Variants in SIPA1L2 observed in about 807,000 individuals in gnomAD.
The protein encoded by SIPA1L2 is signal-induced proliferation-associated 1-like protein 2.
A neutral mutation model predicts 163.9 loss-of-function variants in SIPA1L2; 56 were observed. The observed-to-expected ratio is 0.34, with a 90% CI of 0.28 to 0.43. SIPA1L2 has a LOEUF of 0.43. Among genes scored for constraint, SIPA1L2 ranks in the 20% least tolerant of loss-of-function variants. SIPA1L2 has a pLI of 1.00. For missense variants in SIPA1L2, 1,974 were observed against 2,193.5 expected (o/e 0.90, Z 2.00); for synonymous variants, 877 against 865.7 (o/e 1.01, Z -0.23).
intron 22 of SIPA1L2, 74 bp downstream of exon 22, chr1:232,402,318 A>G (rs934296979): frequency 5.2e-6 from 7 of 1,353,826 alleles, no homozygotes; most frequent in African/African-American, 2.9e-5. Flanking sequence ...AGTCTTTTCA[A>G]TTTATCTGTA....
intron 2 of SIPA1L2, among the ~76,000 whole-genome samples, chr1:232,569,265 A>G (rs1014037510): frequency 9.9e-5 from 15 of 152,248 alleles, no homozygotes; most frequent in Admixed American, 8.5e-4. Flanking sequence ...ATTGGAATTT[A>G]GGAAGAGATA....
chr1:232,598,490 A>G (rs1661403377), intron 1 of SIPA1L2, among the ~76,000 whole-genome samples: 1 of 152,242 alleles, frequency 6.6e-6, no homozygotes, highest in Admixed American at 6.5e-5. Flanking sequence ...AGCATCAGAA[A>G]TATACAAATA....
intron 6 of SIPA1L2, 131 bp downstream of exon 6, chr1:232,483,661 A>T (rs750881522): frequency 2.1e-6 from 2 of 930,978 alleles, no homozygotes; most frequent in African/African-American, 1.7e-5. Context: ...TCTAAACTCT[A>T]TTCCAAATAA....
chr1:232,629,209 C>G (rs754313346), intron 1 of SIPA1L2, among the ~76,000 whole-genome samples: 1 of 152,198 alleles, frequency 6.6e-6, no homozygotes, highest in Non-Finnish European at 1.5e-5. Context: ...GAAATTGATT[C>G]TTTGGGTTTG....
Position 232,464,880 on chromosome 1 carries a change from T to G in SIPA1L2, c.2780A>C (p.Asn927Thr). Residue 927 changes from asparagine to threonine, a missense_variant, in exon 9 of 23, where the codon AAC becomes ACC. This residue lies in a region of SIPA1L2 where 1,079 missense variants were observed against 1,150.7 expected (regional missense o/e 0.94). Transcript: ENST00000674635. ...AATTTCCCTGATGTCTTCAGCACAG[T>G]TGTCTACCGAGGACAGGAGGACACA... ...GECVLLSSVD[N>T]CAEDIREIVQ... The G allele has an allele frequency of 1.2e-6, 2 of 1,613,354 alleles. No individual in the cohort carries two copies.
rs536290342 is a variant in SIPA1L2 at position 232,476,171 on chromosome 1, ACAAT to A, written c.2085+3452_2085+3455del. On this transcript the variant is annotated intron_variant, in intron 7 of 22. Transcript: ENST00000674635. ...CACAAACTCTTTAAGGCAGGAGCTTACAATCAGTCTATCCACTATGGAGAAAAGG... is the reference window on the plus strand; with the variant it reads ...CACAAACTCTTTAAGGCAGGAGCTTACAGTCTATCCACTATGGAGAAAAGG... Among the ~76,000 whole-genome samples, 70 of 152,302 alleles carry A rather than the reference ACAAT, an allele frequency of 4.6e-4. 1 individual carries two copies. The South Asian group carries it at 0.011, about 24-fold the overall frequency.
In SIPA1L2 at chr1:232,465,245, C is replaced by T. The variant is rs1664446481; in HGVS notation, c.2415G>A (p.Arg805=). The stretch of plus-strand genomic sequence containing the variant: ...CCGCCAGATCTTTCAAGTACTCCTG[C>T]CTCGTTCGAGTGGCCATTGCTCGAA... ...EKFRAMATRT[R]QEYLKDLAEN... is the part of the protein sequence containing the mutation. The change falls in exon 9 of 23, where the codon AGG becomes AGA. Residue 805 remains arginine (R), a synonymous_variant. Coordinates refer to ENST00000674635, the MANE Select transcript of SIPA1L2 (RefSeq NM_020808.5). This position sits in a 1 kb window ranked among gnomAD's most constrained non-coding sequence, Gnocchi z 4.1. The T allele has an allele frequency of 1.2e-6, 2 of 1,614,174 alleles. No homozygotes were observed. Among genetic ancestry groups the T allele is most frequent in the South Asian group, 2.2e-5 (2 of 91,086 alleles).
intron 1 of SIPA1L2, among the ~76,000 whole-genome samples, chr1:232,604,956 G>A (rs1661818230): frequency 6.6e-6 from 1 of 152,128 alleles, no homozygotes; most frequent in South Asian, 2.1e-4. Context: ...AGAACCGTGA[G>A]CCAATTAAAC....
intron 2 of SIPA1L2, 76 bp from the exon 3 acceptor site, chr1:232,515,684 A>C: frequency 4.6e-6 from 1 of 219,172 alleles, no homozygotes; most frequent in Non-Finnish European, 9.1e-6. Flanking sequence ...TAAATTTCGT[A>C]TCTGTCTTTC....
intron 2 of SIPA1L2, among the ~76,000 whole-genome samples, chr1:232,562,151 C>G (rs1346141577): frequency 6.6e-6 from 1 of 152,176 alleles, no homozygotes; most frequent in Non-Finnish European, 1.5e-5. Flanking sequence ...GTTAGGAAAA[C>G]CAAAATGCTG....
In SIPA1L2 at chr1:232,514,911, G is replaced by A. The variant is rs1393494268; in HGVS notation, c.429C>T (p.Asp143=). The change falls in exon 3 of 23, where the codon GAC becomes GAT. Residue 143 remains aspartate (D), a synonymous_variant. Coordinates refer to ENST00000674635, the MANE Select transcript of SIPA1L2 (RefSeq NM_020808.5). ...DFVEAKYTIG[D]IFVHSPQRGL... ...CTCTTTGGGGGGAATGGACAAAGATGTCTCCGATTGTGTACTTGGCCTCCA... is the reference window on the plus strand; with the variant it reads ...CTCTTTGGGGGGAATGGACAAAGATATCTCCGATTGTGTACTTGGCCTCCA... The A allele has an allele frequency of 1.9e-6, 3 of 1,614,164 alleles. No homozygotes were observed. Among genetic ancestry groups the A allele is most frequent in the Non-Finnish European group, 2.5e-6 (3 of 1,180,022 alleles).
intron 1 of SIPA1L2, among the ~76,000 whole-genome samples, chr1:232,614,383 G>T (rs1448151252): frequency 6.6e-6 from 1 of 152,192 alleles, no homozygotes; most frequent in African/African-American, 2.4e-5. Context: ...CTTCAGTTCA[G>T]ATAGAGTAGA....
chr1:232,538,988 A>G (rs566402508), intron 2 of SIPA1L2, among the ~76,000 whole-genome samples: 2 of 152,046 alleles, frequency 1.3e-5, no homozygotes, highest in Admixed American at 1.3e-4. Context: ...CTTATTTTCT[A>G]CTCCTCTTAA....
At chr1:232,565,148 G>A (rs894475977) in intron 2 of SIPA1L2, among the ~76,000 whole-genome samples, 23 of 152,176 alleles carry the variant, frequency 1.5e-4, no homozygotes, top group Admixed American at 9.2e-4. Flanking sequence ...AAAGAAAATA[G>A]CTAGATCAAC....
At chr1:232,613,874 G>T (rs757934376) in intron 1 of SIPA1L2, among the ~76,000 whole-genome samples, 1 of 152,172 alleles carries the variant, frequency 6.6e-6, no homozygotes, top group South Asian at 2.1e-4. Flanking sequence ...ACACAAAAAT[G>T]TAAGAATCGC....
chr1:232,464,612 GCTTAA>G (rs1444351788), intron 9 of SIPA1L2, among the ~76,000 whole-genome samples: 1 of 152,060 alleles, frequency 6.6e-6, no homozygotes. Flanking sequence ...TTGCAGGTTG[GCTTAA>G]CTTTTCTTTT....
At chr1:232,483,696 G>T (rs574063479) in intron 6 of SIPA1L2, 96 bp downstream of exon 6, 4 of 1,375,766 alleles carry the variant, frequency 2.9e-6, no homozygotes, top group Non-Finnish European at 4.0e-6. Flanking sequence ...TTCTGGGGCC[G>T]GGAACAGGAG....
intron 2 of SIPA1L2, among the ~76,000 whole-genome samples, chr1:232,563,995 G>GTGTA (rs1659209483): frequency 8.9e-6 from 1 of 111,958 alleles, no homozygotes; most frequent in Non-Finnish European, 1.7e-5. Context: ...GTGTGTGTGT[G>GTGTA]TGATGGAGTT....
Position 232,432,268 on chromosome 1 carries a change from G to C in SIPA1L2, c.4235C>G (p.Pro1412Arg). Residue 1412 changes from proline to arginine, a missense_variant, in exon 16 of 23, where the codon CCT becomes CGT. By Grantham distance (103) the Pro-to-Arg change is moderately radical. Transcript: ENST00000674635. ...TTACCCGGGACATTCAGTCACTTCA[G>C]GCTCCTCGGGCGGTGGGCTGCCCTC... is the stretch of plus-strand genomic sequence containing the variant. ...KSEGSPPPEE[P>R]EVTECPGMYS... 6.2e-7 allele frequency: 1 copy of C among 1,614,008 alleles called. No individual in the cohort carries two copies. Among genetic ancestry groups the C allele is most frequent in the Non-Finnish European group, 8.5e-7 (1 of 1,180,002 alleles).
Sources: gnomAD v4.1 joint callset for allele counts (sites outside exome capture counted in the v4.1 genomes callset) on GRCh38, gnomAD v4.1.1 for gene constraint, gnomAD v4.1.1 regional missense constraint, Gnocchi (gnomAD v3.1) non-coding constraint, MANE v1.5 for transcripts, NCBI Gene and HGNC (gene_info 2026-07-23, HGNC 2026-07-21) for gene names.